ATG2B: variants seen among roughly 807,000 people sequenced by gnomAD.
The protein encoded by ATG2B is autophagy related 2B.
ATG2B carries 121 observed loss-of-function variants against 241.3 expected under a neutral mutation model. The observed-to-expected ratio is 0.50, with a 90% CI of 0.43 to 0.58. The LOEUF is 0.58. ATG2B is among the 20% of genes least tolerant of loss of function. The probability of loss-of-function intolerance (pLI) is 0.00; values close to 1 mark genes in which losing one functional copy is unlikely to be tolerated. For synonymous variants in ATG2B, 858 were observed against 876.6 expected, an observed-to-expected ratio of 0.98 and a Z score of 0.37; for missense variants, 2,306 against 2,491.6, an observed-to-expected ratio of 0.93 and a Z score of 1.59.
intron 16 of ATG2B, among the ~76,000 whole-genome samples, chr14:96,323,687 A>C (rs1283858707): frequency 6.6e-6 from 1 of 152,232 alleles, no homozygotes; most frequent in Non-Finnish European, 1.5e-5. Flanking sequence ...GGAGGAGTAA[A>C]GCAAGGCAGG....
At chr14:96,316,410 A>C in intron 21 of ATG2B, 123 bp downstream of exon 21, 1 of 954,984 alleles carries the variant, frequency 1.0e-6, no homozygotes, top group Non-Finnish European at 1.6e-6. Context: ...TGACAGCAGA[A>C]TGAGAGCCCT....
In ATG2B at chr14:96,292,375, A is replaced by C. The variant is rs557305909; in HGVS notation, c.5427-277T>G. On this transcript the variant is annotated intron_variant, in intron 36 of 41. Coordinates refer to ENST00000359933, the MANE Select transcript of ATG2B (RefSeq NM_018036.7). Reference sequence around the variant, plus strand: ...TATATAGTGTAGGAAAATAAAAATAATACTAACATAAAATGTAATAAAAAC... The same window carrying C: ...TATATAGTGTAGGAAAATAAAAATACTACTAACATAAAATGTAATAAAAAC... Among the ~76,000 whole-genome samples, 49 of 152,178 alleles carry C rather than the reference A, an allele frequency of 3.2e-4. 1 individual carries two copies. Among genetic ancestry groups the C allele is most frequent in the Non-Finnish European group, 6.0e-4 (41 of 68,016 alleles).
At chr14:96,338,258 CAATTTGG>C (rs1020802757) in intron 6 of ATG2B, among the ~76,000 whole-genome samples, 4 of 151,970 alleles carry the variant, frequency 2.6e-5, no homozygotes, top group Non-Finnish European at 5.9e-5. Context: ...TCCTCTTTTC[CAATTTGG>C]ATGTCCTTTA....
chr14:96,343,215 A>C lies in ATG2B; in HGVS notation c.648T>G (p.Phe216Leu). 1.2e-6 allele frequency: 2 copies of C among 1,612,074 alleles called. No individual in the cohort carries two copies. Among genetic ancestry groups the C allele is most frequent in the Non-Finnish European group, 1.7e-6 (2 of 1,178,800 alleles). ...CAGAGAGCTGAAGTAACTTGTGAGC[A>C]AAAGCAGTGGGTTGATGCACATTAA... Reference protein sequence around the residue: ...SGINVHQPTAFAHKLLQLSGV... With the variant: ...SGINVHQPTALAHKLLQLSGV... The change falls in exon 5 of 42, where the codon TTT becomes TTG. Residue 216 changes from phenylalanine to leucine, a missense_variant. This residue lies in a region of ATG2B where 1,927 missense variants were observed against 2,011.2 expected (regional missense o/e 0.96). Transcript: ENST00000359933.
intron 21 of ATG2B, among the ~76,000 whole-genome samples, chr14:96,316,264 G>A (rs980509649): frequency 3.3e-5 from 5 of 152,146 alleles, no homozygotes; most frequent in Admixed American, 6.5e-5. Context: ...CTATGGTGAC[G>A]GTTGCATAAC....
chr14:96,353,313 C>T (rs1312806496), intron 1 of ATG2B, among the ~76,000 whole-genome samples: 1 of 152,172 alleles, frequency 6.6e-6, no homozygotes, highest in East Asian at 1.9e-4. Context: ...CTAGAGCAAC[C>T]ACTAAGAAAC....
At chr14:96,343,073 T>G in intron 5 of ATG2B, 46 bp downstream of exon 5, 1 of 1,436,038 alleles carries the variant, frequency 7.0e-7, no homozygotes, top group Non-Finnish European at 9.2e-7. Flanking sequence ...TTTAAACCTT[T>G]TAAAAAATCT....
intron 28 of ATG2B, 59 bp downstream of exon 28, chr14:96,311,058 A>G: frequency 6.9e-7 from 1 of 1,455,926 alleles, no homozygotes; most frequent in Non-Finnish European, 9.2e-7. Flanking sequence ...TGAAGACCTC[A>G]ATAATGTAAA....
chr14:96,321,563 G>C (rs1381064110), intron 18 of ATG2B, among the ~76,000 whole-genome samples: 1 of 152,160 alleles, frequency 6.6e-6, no homozygotes, highest in Non-Finnish European at 1.5e-5. Flanking sequence ...ACAGAGGCTA[G>C]ATAAACTGCT....
Position 96,285,860 on chromosome 14 carries a change from A to C in ATG2B, c.6132T>G (p.Ile2044Met). 6.2e-7 allele frequency: 1 copy of C among 1,614,128 alleles called. No individual in the cohort carries two copies. The highest frequency in any genetic ancestry group is 8.5e-7 in the Non-Finnish European group (1 of 1,180,030). Residue 2044 changes from isoleucine (I) to methionine (M), a missense_variant, in exon 42 of 42, where the codon ATT becomes ATG. Coordinates refer to ENST00000359933, the MANE Select transcript of ATG2B (RefSeq NM_018036.7). The surrounding 1 kb of genome is among the most constrained non-coding windows in gnomAD (Gnocchi z 4.2). ...CGTTTGACGTTGCTTCTGTGGCAAC[A>C]ATCAGAGGTTTCACCACTGCCGGAG... is the stretch of plus-strand genomic sequence containing the variant. Reference protein sequence around the residue: ...QIPPAVVKPLIVATEATSNVL... With the variant: ...QIPPAVVKPLMVATEATSNVL...
chr14:96,321,710 CTT>C (rs1253594427), intron 18 of ATG2B, among the ~76,000 whole-genome samples: 2 of 152,072 alleles, frequency 1.3e-5, no homozygotes, highest in Non-Finnish European at 2.9e-5. Context: ...AACAAGATAT[CTT>C]TTTGAATGCT....
At chr14:96,338,099 GTGT>G (rs1566730719) in intron 6 of ATG2B, among the ~76,000 whole-genome samples, 14 of 152,000 alleles carry the variant, frequency 9.2e-5, no homozygotes, top group African/African-American at 3.4e-4. Context: ...GTCACTGTTG[GTGT>G]ATAGCACTGC....
At chr14:96,356,953 CATT>C (rs1286448106) in intron 1 of ATG2B, among the ~76,000 whole-genome samples, 1 of 152,066 alleles carries the variant, frequency 6.6e-6, no homozygotes, top group Non-Finnish European at 1.5e-5. Flanking sequence ...AATAAATGAT[CATT>C]ATTATTTTCA....
chr14:96,302,964 A>T, intron 33 of ATG2B, 97 bp downstream of exon 33: 1 of 862,360 alleles, frequency 1.2e-6, no homozygotes, highest in Non-Finnish European at 1.7e-6. Context: ...GAGAAAAGAT[A>T]TCTAGTAATT....
In ATG2B at chr14:96,281,400, T is replaced by C. The variant is rs935705990; in HGVS notation, c.*4355A>G. 6.6e-6 allele frequency: 1 copy of C among 152,210 alleles called. No individual in the cohort carries two copies. Among genetic ancestry groups the C allele is most frequent in the Non-Finnish European group, 1.5e-5 (1 of 68,030 alleles). The allele number at this position is 152,210 out of a possible 1,614,324, so 9.4% of individuals were successfully genotyped here. ...TATTCACATCCATAATTGCCATAAT[T>C]AGGAAAAATTAGGAAACTTAGCAAA... is the stretch of plus-strand genomic sequence containing the variant. On this transcript the variant is annotated 3_prime_UTR_variant, in exon 42 of 42. Coordinates refer to ENST00000359933, the MANE Select transcript of ATG2B (RefSeq NM_018036.7).
chr14:96,282,850 G>A lies in ATG2B; in HGVS notation c.*2905C>T, dbSNP rs1247441704. 2.0e-5 allele frequency: 3 copies of A among 152,232 alleles called. No individual in the cohort carries two copies. The highest frequency in any genetic ancestry group is 7.2e-5 in the African/African-American group (3 of 41,456). The allele number at this position is 152,232 out of a possible 1,614,324, so 9.4% of individuals were successfully genotyped here. A position where few individuals can be genotyped will look rare whatever the true frequency, so the allele number is the denominator to read the frequency against. On this transcript the variant is annotated 3_prime_UTR_variant, in exon 42 of 42. Coordinates refer to ENST00000359933, the MANE Select transcript of ATG2B (RefSeq NM_018036.7). ...GAAAAGTGACACACAACAGGAGCAG[G>A]AAACACCAGTTTTTAGTATTTTGCC...
chr14:96,295,207 T>G, intron 35 of ATG2B, 40 bp from the exon 36 acceptor site: 1 of 1,500,040 alleles, frequency 6.7e-7, no homozygotes, highest in Non-Finnish European at 9.2e-7. Context: ...TTAGATATGC[T>G]TCTTCTTAGC....
Position 96,290,901 on chromosome 14 carries a change from T to C in ATG2B, c.5614A>G (p.Ile1872Val). ...LGVDKLFSYA[I>V]TEWLNDIKKN... ...TTAATGTCATTAAGCCACTCAGTGATTGCATATGAGAATAATTTGTCAACG... is the reference window on the plus strand; with the variant it reads ...TTAATGTCATTAAGCCACTCAGTGACTGCATATGAGAATAATTTGTCAACG... Residue 1872 changes from isoleucine to valine, a missense_variant, in exon 39 of 42, where the codon ATC becomes GTC. Transcript: ENST00000359933. The surrounding 1 kb of genome is among the most constrained non-coding windows in gnomAD (Gnocchi z 4.4). 1 of 1,613,494 alleles carries C rather than the reference T, an allele frequency of 6.2e-7. No homozygotes were observed. Among genetic ancestry groups the C allele is most frequent in the Non-Finnish European group, 8.5e-7 (1 of 1,179,640 alleles).
At chr14:96,362,054 A>C (rs543716114) in intron 1 of ATG2B, among the ~76,000 whole-genome samples, 1 of 152,176 alleles carries the variant, frequency 6.6e-6, no homozygotes, top group South Asian at 2.1e-4. Flanking sequence ...GTCGAAATTC[A>C]GATGAAGCAC....
Sources: gnomAD v4.1 joint callset for allele counts (sites outside exome capture counted in the v4.1 genomes callset) on GRCh38, gnomAD v4.1.1 for gene constraint, gnomAD v4.1.1 regional missense constraint, Gnocchi (gnomAD v3.1) non-coding constraint, MANE v1.5 for transcripts, NCBI Gene and HGNC (gene_info 2026-07-23, HGNC 2026-07-21) for gene names.